CNTNAP4: variants seen among roughly 807,000 people sequenced by gnomAD.
CNTNAP4 encodes the protein contactin associated protein family member 4.
CNTNAP4 carries 98 observed loss-of-function variants against 148.4 expected under a neutral mutation model. The observed-to-expected ratio is 0.66, with a 90% CI of 0.56 to 0.78. CNTNAP4 has a LOEUF of 0.78. Among genes scored for constraint, CNTNAP4 ranks in the 30% least tolerant of loss-of-function variants. The pLI is 0.00. For missense variants in CNTNAP4, 1,935 were observed against 1,565.6 expected (o/e 1.24, Z -3.98); for synonymous variants, 730 against 565.1 (o/e 1.29, Z -4.14).
At chr16:76,368,218 G>A (rs1005987873) in intron 3 of CNTNAP4, among the ~76,000 whole-genome samples, 17 of 151,990 alleles carry the variant, frequency 1.1e-4, no homozygotes, top group African/African-American at 3.9e-4. Context: ...TAAAGAGTAG[G>A]AAAAAAGCTA....
chr16:76,408,486 G>C lies in CNTNAP4; in HGVS notation c.391-18966G>C, dbSNP rs145371021. Among the ~76,000 whole-genome samples the C allele has an allele frequency of 1.9e-4, 28 of 148,606 alleles. No individual in the cohort carries two copies. In the East Asian group the frequency reaches 5.3e-3, roughly 28 times the overall value. ...AAACCAACCCTCTTGTACCCATTCC[G>C]AGGTCCCAAGCATCAACCCCATGGC... is the stretch of plus-strand genomic sequence containing the variant. On this transcript the variant is annotated intron_variant, in intron 3 of 23. Transcript: ENST00000611870.
intron 1 of CNTNAP4, among the ~76,000 whole-genome samples, chr16:76,311,991 C>T (rs1396607545): frequency 4.6e-5 from 7 of 152,152 alleles, no homozygotes; most frequent in South Asian, 2.1e-4. Context: ...TGTATACTCA[C>T]GTGCAGTGAA....
chr16:76,522,774 T>C, intron 17 of CNTNAP4, among the ~76,000 whole-genome samples: 1 of 104,292 alleles, frequency 9.6e-6, no homozygotes, highest in East Asian at 2.1e-4. Flanking sequence ...TTCTTTTCTT[T>C]TCTTTCTTGA....
intron 5 of CNTNAP4, 26 bp from the exon 6 acceptor site, chr16:76,448,741 T>C (rs1355772159): frequency 1.2e-5 from 18 of 1,518,406 alleles, no homozygotes; most frequent in Non-Finnish European, 1.3e-5. Flanking sequence ...GCAATAATGG[T>C]GCTGTTATTT....
intron 21 of CNTNAP4, among the ~76,000 whole-genome samples, chr16:76,544,501 A>G (rs1238401080): frequency 1.3e-5 from 2 of 152,188 alleles, no homozygotes; most frequent in Non-Finnish European, 2.9e-5. Flanking sequence ...TACCTGTTAC[A>G]ATTAAAATAT....
chr16:76,432,274 A>T (rs963618312), intron 4 of CNTNAP4, among the ~76,000 whole-genome samples: 1 of 152,186 alleles, frequency 6.6e-6, no homozygotes, highest in Non-Finnish European at 1.5e-5. Flanking sequence ...GCTATTGTGA[A>T]AACCACACAT....
intron 17 of CNTNAP4, among the ~76,000 whole-genome samples, chr16:76,530,412 A>G (rs1272425147): frequency 6.6e-6 from 1 of 152,146 alleles, no homozygotes; most frequent in African/African-American, 2.4e-5. Context: ...GTACTTTTCT[A>G]TATCCAGTAG....
At chr16:76,376,899 A>G (rs1235748242) in intron 3 of CNTNAP4, among the ~76,000 whole-genome samples, 1 of 142,076 alleles carries the variant, frequency 7.0e-6, no homozygotes, top group Non-Finnish European at 1.5e-5. Context: ...AAACAAAACT[A>G]ACAAGGTTTG....
chr16:76,320,088 C>G (rs190365567), intron 2 of CNTNAP4, among the ~76,000 whole-genome samples: 193 of 152,176 alleles, frequency 1.3e-3, no homozygotes, highest in Middle Eastern at 6.8e-3. Flanking sequence ...TTGAAAAGAC[C>G]GTTGGTGTAA....
chr16:76,418,730 T>G (rs202158556), intron 3 of CNTNAP4, among the ~76,000 whole-genome samples: 6 of 7,616 alleles, frequency 7.9e-4, no homozygotes, highest in South Asian at 2.2e-3. Context: ...GAGTGTGGGG[T>G]TTTTTTTTTT....
At chr16:76,324,118 A>G (rs898017121) in intron 2 of CNTNAP4, among the ~76,000 whole-genome samples, 10 of 152,176 alleles carry the variant, frequency 6.6e-5, no homozygotes, top group African/African-American at 2.2e-4. Context: ...CTTAAGGCAG[A>G]TTATCCTTCT....
At position 76,467,450 on chromosome 16, in the gene CNTNAP4, C is replaced by T; in HGVS notation, c.1582C>T (p.Leu528=). 3 of 1,613,812 alleles carry T rather than the reference C, an allele frequency of 1.9e-6. No individual in the cohort carries two copies. The highest frequency in any genetic ancestry group is 2.5e-6 in the Non-Finnish European group (3 of 1,179,830). The part of the protein sequence containing the change: ...LISISGKVVD[L]ISVQQGSLGN... ...TTCTATCAGCGGCAAAGTGGTAGAT[C>T]TGATTTCAGTTCAGCAGGGGTCCCT... Residue 528 remains leucine, a synonymous_variant, in exon 10 of 24, where the codon CTG becomes TTG. Coordinates refer to ENST00000611870, the MANE Select transcript of CNTNAP4 (RefSeq NM_033401.5).
At position 76,317,536 on chromosome 16, in the gene CNTNAP4, C is replaced by T. The variant is rs116364271; in HGVS notation, c.196+1013C>T. Among the ~76,000 whole-genome samples the T allele has an allele frequency of 8.9e-3, 1,362 of 152,262 alleles. 17 individuals are homozygous for T. The highest frequency in any genetic ancestry group is 0.032 in the African/African-American group (1,321 of 41,558). On this transcript the variant is annotated intron_variant, in intron 2 of 23. Transcript: ENST00000611870. ...CGCTTGGCAATACTAATACATAAAA[C>T]GTTTTAACAATCATAAAAAGTTTTA...
At chr16:76,288,462 C>T (rs1015890158) in intron 1 of CNTNAP4, among the ~76,000 whole-genome samples, 2 of 152,052 alleles carry the variant, frequency 1.3e-5, no homozygotes, top group Non-Finnish European at 2.9e-5. Context: ...GTAAATTACC[C>T]TCAAATACTT....
chr16:76,437,379 G>A (rs1024803780), intron 4 of CNTNAP4, among the ~76,000 whole-genome samples: 2 of 152,046 alleles, frequency 1.3e-5, no homozygotes, highest in Non-Finnish European at 2.9e-5. Flanking sequence ...ATCATTACAT[G>A]GAGTTATATT....
chr16:76,498,479 CA>C, intron 14 of CNTNAP4, 87 bp from the exon 15 acceptor site: 1 of 1,135,384 alleles, frequency 8.8e-7, no homozygotes, highest in Admixed American at 2.3e-5. Context: ...TTTGTAGGTG[CA>C]AATTTAGTTC....
chr16:76,353,996 G>C (rs755946143), intron 2 of CNTNAP4, among the ~76,000 whole-genome samples: 9 of 152,118 alleles, frequency 5.9e-5, no homozygotes, highest in Non-Finnish European at 1.3e-4. Context: ...AATAATGCTT[G>C]AATCAAAACT....
chr16:76,398,821 T>C (rs1382976409), intron 3 of CNTNAP4, among the ~76,000 whole-genome samples: 1 of 152,124 alleles, frequency 6.6e-6, no homozygotes, highest in East Asian at 1.9e-4. Context: ...TATATATACA[T>C]AGACACATAT....
chr16:76,487,299 C>G (rs577329431), intron 12 of CNTNAP4, among the ~76,000 whole-genome samples: 33 of 152,304 alleles, frequency 2.2e-4, no homozygotes, highest in African/African-American at 7.9e-4. Context: ...CAAATGTCTT[C>G]TGCGTTTTCT....
Sources: gnomAD v4.1 joint callset for allele counts (sites outside exome capture counted in the v4.1 genomes callset) on GRCh38, gnomAD v4.1.1 for gene constraint, MANE v1.5 for transcripts, NCBI Gene and HGNC (gene_info 2026-07-23, HGNC 2026-07-21) for gene names.